Variants in ZFR observed in about 807,000 individuals in gnomAD.
ZFR encodes the protein zinc finger RNA-binding protein.
In ZFR, 19 loss-of-function variants were observed where a neutral mutation model predicts 130.7. The observed-to-expected ratio is 0.15, with a 90% CI of 0.10 to 0.21. The LOEUF is 0.21. ZFR is among the 10% of genes least tolerant of loss of function. The probability of loss-of-function intolerance (pLI) is 1.00; values close to 1 mark genes in which losing one functional copy is unlikely to be tolerated. For synonymous variants in ZFR, 466 were observed against 456.9 expected (o/e 1.02, Z -0.25); for missense variants, 872 against 1,321.5 (o/e 0.66, Z 5.27).
chr5:32,408,790 A>G (rs1753636208), intron 5 of ZFR, among the ~76,000 whole-genome samples: 1 of 152,250 alleles, frequency 6.6e-6, no homozygotes, highest in South Asian at 2.1e-4. Context: ...TATCACTGAT[A>G]TACAGCTACC....
At chr5:32,442,759 C>T (rs1197877440) in intron 2 of ZFR, among the ~76,000 whole-genome samples, 1 of 152,066 alleles carries the variant, frequency 6.6e-6, no homozygotes, top group African/African-American at 2.4e-5. Context: ...GTACCTTTTA[C>T]AACAAATGGC....
chr5:32,380,481 C>A, intron 15 of ZFR: 1 of 142,834 alleles, frequency 7.0e-6, no homozygotes, highest in African/African-American at 5.4e-5. Flanking sequence ...AGAGGGAACA[C>A]AAAAATCCAC....
At chr5:32,435,488 T>C (rs1754313458) in intron 2 of ZFR, among the ~76,000 whole-genome samples, 1 of 152,252 alleles carries the variant, frequency 6.6e-6, no homozygotes, top group Admixed American at 6.5e-5. Flanking sequence ...AAGAGTGTTA[T>C]GATTAAATTT....
At chr5:32,394,685 A>C (rs551588334) in intron 11 of ZFR, among the ~76,000 whole-genome samples, 7 of 152,342 alleles carry the variant, frequency 4.6e-5, no homozygotes, top group Non-Finnish European at 8.8e-5. Flanking sequence ...ATAAGTTTAG[A>C]AGATATGTTA....
At chr5:32,437,437 T>C (rs1350536990) in intron 2 of ZFR, among the ~76,000 whole-genome samples, 1 of 152,226 alleles carries the variant, frequency 6.6e-6, no homozygotes, top group Admixed American at 6.5e-5. Context: ...GTTTATTTCA[T>C]TCATTTTATC....
At chr5:32,427,920 G>A (rs563453675) in intron 2 of ZFR, among the ~76,000 whole-genome samples, 1 of 152,034 alleles carries the variant, frequency 6.6e-6, no homozygotes, top group Non-Finnish European at 1.5e-5. Context: ...ACACGAAAAG[G>A]AAAAAAGCTG....
intron 5 of ZFR, among the ~76,000 whole-genome samples, chr5:32,412,913 G>A (rs182481637): frequency 2.3e-3 from 350 of 152,230 alleles, no homozygotes; most frequent in African/African-American, 7.8e-3. Context: ...GGGCGGGCAC[G>A]GTGGCTCATG....
At chr5:32,429,216 G>A (rs1431488377) in intron 2 of ZFR, among the ~76,000 whole-genome samples, 4 of 152,104 alleles carry the variant, frequency 2.6e-5, no homozygotes, top group African/African-American at 9.7e-5. Context: ...TCGATCTCCT[G>A]ACCTCGTGAT....
At chr5:32,383,391 T>TA (rs1395143728) in intron 15 of ZFR, among the ~76,000 whole-genome samples, 1 of 152,186 alleles carries the variant, frequency 6.6e-6, no homozygotes, top group Admixed American at 6.5e-5. Context: ...ACAAAATACT[T>TA]AACTTGCTGC....
intron 2 of ZFR, among the ~76,000 whole-genome samples, chr5:32,422,205 A>T (rs369139803): frequency 1.3e-5 from 2 of 152,216 alleles, no homozygotes; most frequent in South Asian, 4.2e-4. Context: ...AGCCAATTTA[A>T]CTTATACTGC....
At chr5:32,406,736 C>T (rs1304884619) in intron 6 of ZFR, 38 bp downstream of exon 6, 1 of 1,582,668 alleles carries the variant, frequency 6.3e-7, no homozygotes, top group Admixed American at 2.0e-5. Context: ...CACTTAATAA[C>T]CACTGAAGAC....
intron 2 of ZFR, among the ~76,000 whole-genome samples, chr5:32,432,442 T>C (rs1370602611): frequency 6.6e-6 from 1 of 152,146 alleles, no homozygotes; most frequent in Non-Finnish European, 1.5e-5. Flanking sequence ...TTTTGGCCAT[T>C]TGTATGTCAT....
At chr5:32,381,548 A>C (rs1485332189) in intron 15 of ZFR, among the ~76,000 whole-genome samples, 1 of 152,176 alleles carries the variant, frequency 6.6e-6, no homozygotes. Flanking sequence ...TACATGATAA[A>C]AGTATGAAAA....
intron 2 of ZFR, among the ~76,000 whole-genome samples, chr5:32,429,072 A>G (rs1302458781): frequency 7.4e-6 from 1 of 134,572 alleles, no homozygotes; most frequent in Non-Finnish European, 1.5e-5. Flanking sequence ...TGCAAGCTCC[A>G]CCTCCCGGGT....
chr5:32,387,379 G>T (rs1401357158), intron 14 of ZFR, among the ~76,000 whole-genome samples, 170 bp downstream of exon 14: 1 of 152,080 alleles, frequency 6.6e-6, no homozygotes, highest in Non-Finnish European at 1.5e-5. Flanking sequence ...TAAAAAAGAT[G>T]AAGTAGAAAA....
At position 32,420,098 on chromosome 5, in the gene ZFR, T is replaced by G; in HGVS notation, c.143A>C (p.Gln48Pro). ...AAAAAAQYSQ[Q>P]PASGVAYSHP... ...AGAATAGGCTACACCCGAAGCTGGC[T>G]GCTGGCTACATTGTGGAGTACAAGA... The change falls in exon 3 of 20, where the codon CAG becomes CCG. Residue 48 changes from glutamine to proline, a missense_variant. Coordinates refer to ENST00000265069, the MANE Select transcript of ZFR (RefSeq NM_016107.5). 6.4e-7 allele frequency: 1 copy of G among 1,573,610 alleles called. No individual in the cohort carries two copies. Among genetic ancestry groups the G allele is most frequent in the Non-Finnish European group, 8.7e-7 (1 of 1,154,562 alleles).
At chr5:32,374,099 G>A (rs1752740501) in intron 17 of ZFR, among the ~76,000 whole-genome samples, 2 of 152,164 alleles carry the variant, frequency 1.3e-5, no homozygotes, top group Non-Finnish European at 2.9e-5. Flanking sequence ...GTAACAACGT[G>A]GACTTACTAC....
intron 2 of ZFR, among the ~76,000 whole-genome samples, chr5:32,429,640 C>T (rs1291037549): frequency 6.6e-6 from 1 of 152,134 alleles, no homozygotes; most frequent in African/African-American, 2.4e-5. Flanking sequence ...TTACACTTAC[C>T]TGTTGAGCAA....
chr5:32,388,803 G>T, intron 12 of ZFR, 129 bp from the exon 13 acceptor site: 1 of 918,792 alleles, frequency 1.1e-6, no homozygotes, highest in Non-Finnish European at 1.6e-6. Flanking sequence ...TTCCATTTCA[G>T]TAAAAACGAA....
Sources: gnomAD v4.1 joint callset for allele counts (sites outside exome capture counted in the v4.1 genomes callset) on GRCh38, gnomAD v4.1.1 for gene constraint, MANE v1.5 for transcripts, NCBI Gene and HGNC (gene_info 2026-07-23, HGNC 2026-07-21) for gene names.